The following POTEJ variants were observed in gnomAD, a reference collection of about 807,000 sequenced individuals.
POTEJ encodes POTE ankyrin domain family, member J.
POTEJ carries 11 observed loss-of-function variants against 69.0 expected under a neutral mutation model. The ratio of observed to expected loss-of-function variants is 0.16; its 90% confidence interval spans 0.10 to 0.26. The LOEUF (loss-of-function observed/expected upper bound fraction) is 0.26. Ranked by LOEUF, POTEJ falls within the 10% of genes least tolerant of loss-of-function variation. The pLI is 1.00. For missense variants in POTEJ, 327 were observed against 1,045.5 expected (o/e 0.31, Z 9.48); for synonymous variants, 117 against 381.1 (o/e 0.31, Z 8.07).
At chr2:130,642,818 C>A (rs1243242948) in intron 10 of POTEJ, among the ~76,000 whole-genome samples, 13 of 152,104 alleles carry the variant, frequency 8.5e-5, no homozygotes, top group East Asian at 3.9e-4. Context: ...CTCTTTCAGG[C>A]CTCGCTCCCG....
At chr2:130,648,781 GTTTTT>G (rs761289482) in intron 13 of POTEJ, among the ~76,000 whole-genome samples, 2,930 of 76,348 alleles carry the variant, frequency 0.038, 1 homozygote, top group Non-Finnish European at 0.05. Context: ...CTTTCTCATA[GTTTTT>G]TTTTTTTTTT....
At chr2:130,640,796 A>T (rs1197087377) in intron 10 of POTEJ, among the ~76,000 whole-genome samples, 1 of 152,200 alleles carries the variant, frequency 6.6e-6, no homozygotes, top group Non-Finnish European at 1.5e-5. Context: ...TCTGTTTCTG[A>T]GGCTGAGGAG....
At chr2:130,642,164 T>A (rs866498720) in intron 10 of POTEJ, among the ~76,000 whole-genome samples, 3 of 147,494 alleles carry the variant, frequency 2.0e-5, no homozygotes, top group Middle Eastern at 3.4e-3. Context: ...CAATCAGAAT[T>A]TTTTAGCAGG....
At chr2:130,632,984 T>A (rs1263614876) in intron 9 of POTEJ, among the ~76,000 whole-genome samples, 3 of 147,826 alleles carry the variant, frequency 2.0e-5, no homozygotes, top group African/African-American at 7.8e-5. Flanking sequence ...GATTATTTCA[T>A]CAGCCACATA....
chr2:130,639,405 T>G (rs1211710826), intron 10 of POTEJ, among the ~76,000 whole-genome samples: 1 of 152,306 alleles, frequency 6.6e-6, no homozygotes, highest in Non-Finnish European at 1.5e-5. Context: ...AGAGATGCAT[T>G]TACTTTGTTG....
intron 3 of POTEJ, among the ~76,000 whole-genome samples, chr2:130,618,536 C>T (rs1368663233): frequency 2.0e-5 from 3 of 147,876 alleles, no homozygotes; most frequent in African/African-American, 5.3e-5. Flanking sequence ...CTCAGGAGTT[C>T]GAGTCTAGCC....
chr2:130,641,669 T>C (rs1344386060), intron 10 of POTEJ, among the ~76,000 whole-genome samples: 1 of 151,636 alleles, frequency 6.6e-6, no homozygotes, highest in Non-Finnish European at 1.5e-5. Context: ...TTCTGGTGAA[T>C]ACAGGAGAGC....
intron 6 of POTEJ, among the ~76,000 whole-genome samples, chr2:130,627,040 G>A (rs1685736870): frequency 6.6e-6 from 1 of 152,168 alleles, no homozygotes; most frequent in Non-Finnish European, 1.5e-5. Context: ...TTGGGGGACA[G>A]AGAGAAATGT....
In POTEJ at chr2:130,611,816, G is replaced by C; in HGVS notation, c.284G>C (p.Arg95Thr). The change falls in exon 1 of 15, where the codon AGA (arginine) becomes ACA (threonine). Residue 95 changes from arginine (R) to threonine (T), a missense_variant. Arg to Thr is a moderately conservative substitution (Grantham distance 71, BLOSUM62 -1). Coordinates refer to ENST00000409602, the MANE Select transcript of POTEJ (RefSeq NM_001277083.2). The stretch of plus-strand genomic sequence containing the variant: ...GACGACAGCGCCTTCGTGGAGCCGA[G>C]ATACCACGTCCGTCGAGAAGATCTG... ...DYDDSAFVEP[R>T]YHVRREDLDK... The C allele has an allele frequency of 1.3e-6, 2 of 1,518,818 alleles. No homozygotes were observed. The highest frequency in any genetic ancestry group is 1.8e-6 in the Non-Finnish European group (2 of 1,098,542). The allele number at this position is 1,518,818 out of a possible 1,614,324, so 94.1% of individuals were successfully genotyped here.
intron 9 of POTEJ, among the ~76,000 whole-genome samples, chr2:130,637,052 C>G (rs1167453793): frequency 2.8e-5 from 4 of 144,666 alleles, no homozygotes; most frequent in Non-Finnish European, 4.6e-5. Flanking sequence ...GCACTCCAGC[C>G]TGGGTGACAG....
intron 6 of POTEJ, among the ~76,000 whole-genome samples, chr2:130,625,612 C>G (rs537936468): frequency 6.7e-6 from 1 of 148,928 alleles, no homozygotes; most frequent in African/African-American, 2.5e-5. Flanking sequence ...GAACATGCAG[C>G]GAGGTCGTGT....
At chr2:130,648,729 CT>C (rs1460915735) in intron 13 of POTEJ, among the ~76,000 whole-genome samples, 1 of 143,362 alleles carries the variant, frequency 7.0e-6, no homozygotes, top group African/African-American at 2.7e-5. Flanking sequence ...CATCTTTCTC[CT>C]TTTGGACATT....
chr2:130,648,485 C>CA (rs1179360042), intron 13 of POTEJ, among the ~76,000 whole-genome samples: 20 of 139,390 alleles, frequency 1.4e-4, no homozygotes, highest in Non-Finnish European at 2.6e-4. Context: ...GGTAAGTCTT[C>CA]AATTTCAGCA....
intron 13 of POTEJ, among the ~76,000 whole-genome samples, chr2:130,649,223 G>T (rs1484418203): frequency 2.0e-5 from 3 of 150,558 alleles, no homozygotes; most frequent in South Asian, 2.1e-4. Context: ...TAGCTGTTGG[G>T]TATCACACAC....
rs1558915529 is a variant in POTEJ at position 130,613,299 on chromosome 2, CATATGTATATATACAT to C, written c.410+1362_410+1377del. ...ACATATGTATATATACATATATATA[CATATGTATATATACAT>C]ATATATACATATGTATATATACATA... is the stretch of plus-strand genomic sequence containing the variant. On this transcript the variant is annotated intron_variant, in intron 1 of 14. Transcript: ENST00000409602. 1.1e-3 allele frequency among the ~76,000 whole-genome samples: 116 copies of C among 101,508 alleles called. 4 individuals carry two copies. The highest frequency in any genetic ancestry group is 5.2e-3 in the African/African-American group (108 of 20,766). 66.6% of individuals were successfully genotyped at this position (101,508 alleles called of 152,430 possible).
rs1188914487 is a variant in POTEJ at position 130,640,203 on chromosome 2, T to A, written c.1369+1514T>A. ...TGTGTTTGCCAGAAGGAACATCTAA[T>A]GAGATTGCCCATTTGGGAGGAAGAG... On this transcript the variant is annotated intron_variant, in intron 10 of 14. Coordinates refer to ENST00000409602, the MANE Select transcript of POTEJ (RefSeq NM_001277083.2). 2.1e-5 allele frequency among the ~76,000 whole-genome samples: 3 copies of A among 143,826 alleles called. 1 individual carries two copies. Among genetic ancestry groups the A allele is most frequent in the African/African-American group, 8.1e-5 (3 of 37,112 alleles). 94.4% of individuals were successfully genotyped at this position (143,826 alleles called of 152,430 possible).
At chr2:130,624,865 G>C (rs1279876478) in intron 6 of POTEJ, among the ~76,000 whole-genome samples, 1 of 152,118 alleles carries the variant, frequency 6.6e-6, no homozygotes, top group Non-Finnish European at 1.5e-5. Flanking sequence ...GTTGGAACAA[G>C]ATGTGTTCTC....
At chr2:130,640,192 G>A (rs951539077) in intron 10 of POTEJ, among the ~76,000 whole-genome samples, 1 of 144,544 alleles carries the variant, frequency 6.9e-6, no homozygotes, top group Non-Finnish European at 1.5e-5. Context: ...TTTGCCAGAA[G>A]GAACATCTAA....
intron 1 of POTEJ, among the ~76,000 whole-genome samples, chr2:130,613,289 C>CAT (rs1171559176): frequency 2.3e-5 from 2 of 87,662 alleles, no homozygotes; most frequent in Non-Finnish European, 4.6e-5. Context: ...TGTATATATA[C>CAT]ATATATATAC....
Sources: gnomAD v4.1 joint callset for allele counts (sites outside exome capture counted in the v4.1 genomes callset) on GRCh38, gnomAD v4.1.1 for gene constraint, MANE v1.5 for transcripts, NCBI Gene and HGNC (gene_info 2026-07-23, HGNC 2026-07-21) for gene names.